APLF: variants seen among roughly 807,000 people sequenced by gnomAD.
APLF encodes aprataxin and PNKP like factor.
A neutral mutation model predicts 55.6 loss-of-function variants in APLF; 61 were observed. The observed-to-expected ratio is 1.10, with a 90% CI of 0.89 to 1.36. The LOEUF (loss-of-function observed/expected upper bound fraction) is 1.36. Ranked by LOEUF, APLF falls within the 40% of genes most tolerant of loss-of-function variation. The pLI is 0.00. For synonymous variants in APLF, 207 were observed against 214.8 expected, an observed-to-expected ratio of 0.96 and a Z score of 0.32; for missense variants, 611 against 602.5, an observed-to-expected ratio of 1.01 and a Z score of -0.15.
intron 1 of APLF, among the ~76,000 whole-genome samples, chr2:68,480,646 C>T (rs1052772209): frequency 6.6e-5 from 10 of 151,694 alleles, no homozygotes; most frequent in African/African-American, 2.2e-4. Flanking sequence ...ACTAATAGTA[C>T]TATATTTAAT....
chr2:68,554,216 T>C (rs1670945261), intron 8 of APLF, among the ~76,000 whole-genome samples: 1 of 152,052 alleles, frequency 6.6e-6, no homozygotes, highest in Non-Finnish European at 1.5e-5. Flanking sequence ...ATGGATCATA[T>C]ATGTAAATGT....
intron 8 of APLF, among the ~76,000 whole-genome samples, chr2:68,547,753 T>G (rs1193059188): frequency 6.6e-6 from 1 of 151,786 alleles, no homozygotes; most frequent in Non-Finnish European, 1.5e-5. Context: ...CTTTATTTTT[T>G]TTTGTTTGTA....
Position 68,529,313 on chromosome 2 carries a change from C to T in APLF, c.804+3071C>T. 7.3e-7 allele frequency: 1 copy of T among 1,374,626 alleles called. No individual in the cohort carries two copies. The highest frequency in any genetic ancestry group is 9.4e-7 in the Non-Finnish European group (1 of 1,063,762). The allele number at this position is 1,374,626 out of a possible 1,614,324, so 85.2% of individuals were successfully genotyped here. ...ACGGTTGAAGAGGAGTGGGAAACAG[C>T]CAAAGAGTCCTGGGGCAGGCACAGG... On this transcript the variant is annotated intron_variant, in intron 6 of 9. Transcript: ENST00000303795. The surrounding 1 kb of genome is among the most constrained non-coding windows in gnomAD (Gnocchi z 4.4).
chr2:68,478,771 C>T (rs1259658789), intron 1 of APLF, among the ~76,000 whole-genome samples: 1 of 151,892 alleles, frequency 6.6e-6, no homozygotes, highest in Non-Finnish European at 1.5e-5. Context: ...GAGAAGTGAG[C>T]ACTGGGATTT....
At chr2:68,567,429 A>G (rs1344854168) in intron 9 of APLF, 42 bp downstream of exon 9, 3 of 1,457,502 alleles carry the variant, frequency 2.1e-6, no homozygotes, top group East Asian at 4.7e-5. Flanking sequence ...GAAACCTTTA[A>G]ATGATTTTCC....
chr2:68,471,159 T>C (rs1573137844), intron 1 of APLF, among the ~76,000 whole-genome samples: 1 of 152,336 alleles, frequency 6.6e-6, no homozygotes, highest in Admixed American at 6.5e-5. Flanking sequence ...TCTCAGCCTC[T>C]CATTCACTCT....
chr2:68,520,207 G>A (rs967560536), intron 5 of APLF, among the ~76,000 whole-genome samples: 11 of 151,832 alleles, frequency 7.2e-5, no homozygotes, highest in African/African-American at 2.4e-4. Flanking sequence ...TGTAGATTCT[G>A]GATATTAGTC....
chr2:68,490,303 AC>A, intron 2 of APLF, 42 bp downstream of exon 2: 3 of 1,552,658 alleles, frequency 1.9e-6, no homozygotes, highest in Non-Finnish European at 1.8e-6. Context: ...TTCATCTCTT[AC>A]CCTTTCAGTT....
At chr2:68,511,282 A>T (rs540114356) in intron 3 of APLF, among the ~76,000 whole-genome samples, 1 of 151,898 alleles carries the variant, frequency 6.6e-6, no homozygotes, top group Admixed American at 6.6e-5. Flanking sequence ...TTCTGTAGTG[A>T]TGCTTTATAA....
At chr2:68,573,672 CAAAAAAA>C (rs67959075) in intron 9 of APLF, among the ~76,000 whole-genome samples, 10 of 93,044 alleles carry the variant, frequency 1.1e-4, no homozygotes, top group African/African-American at 1.5e-4. Context: ...GACCTTGTCT[CAAAAAAA>C]AAAAAAAAAA....
intron 6 of APLF, among the ~76,000 whole-genome samples, chr2:68,534,517 G>T (rs536835801): frequency 6.6e-6 from 1 of 152,166 alleles, no homozygotes; most frequent in South Asian, 2.1e-4. Flanking sequence ...GAGGGGCAGG[G>T]GAATGGCTTG....
At position 68,490,784 on chromosome 2, in the gene APLF, A is replaced by T. The variant is rs144555742; in HGVS notation, c.168+523A>T. On this transcript the variant is annotated intron_variant, in intron 2 of 9. Coordinates refer to ENST00000303795, the MANE Select transcript of APLF (RefSeq NM_173545.3). Reference sequence around the variant, plus strand: ...ATAGTTTACTGCTGCGAAATCACTGATGATATGCAGGGACAGCCAGTTTCC... The same window carrying T: ...ATAGTTTACTGCTGCGAAATCACTGTTGATATGCAGGGACAGCCAGTTTCC... Among the ~76,000 whole-genome samples, 94 of 152,310 alleles carry T rather than the reference A, an allele frequency of 6.2e-4. 1 individual carries two copies. In the East Asian group the frequency reaches 0.016, roughly 25 times the overall value.
At chr2:68,570,875 T>C (rs373445709) in intron 9 of APLF, among the ~76,000 whole-genome samples, 1 of 152,188 alleles carries the variant, frequency 6.6e-6, no homozygotes, top group African/African-American at 2.4e-5. Context: ...TGCCACACTG[T>C]CTTCCACAAT....
chr2:68,539,680 CATATG>C (rs1170511085), intron 7 of APLF, among the ~76,000 whole-genome samples: 1 of 151,996 alleles, frequency 6.6e-6, no homozygotes, highest in Non-Finnish European at 1.5e-5. Flanking sequence ...AGAGAAAAGT[CATATG>C]ATAAAATTCA....
rs776581938 is a variant in APLF, at chr2:68,513,204, CA to C, written c.467del (p.Gln156ArgfsTer2). 3 of 1,608,452 alleles carry C rather than the reference CA, an allele frequency of 1.9e-6. No individual in the cohort carries two copies. In the Admixed American group the frequency reaches 5.1e-5, roughly 27 times the overall value. On this transcript the variant is annotated frameshift_variant, in exon 4 of 10. Transcript: ENST00000303795. LOFTEE classifies it high-confidence loss of function. ...LEGSTEIAKT[Q>X]MTPTNSVSFL... ...AGGAAGCACAGAAATAGCCAAGACCCAGATGACTCCCACAAATAGTGTGGTG... is the reference window on the plus strand; with the variant it reads ...AGGAAGCACAGAAATAGCCAAGACCCGATGACTCCCACAAATAGTGTGGTG...
intron 3 of APLF, among the ~76,000 whole-genome samples, chr2:68,508,473 G>C (rs1676941911): frequency 6.6e-6 from 1 of 151,868 alleles, no homozygotes; most frequent in African/African-American, 2.4e-5. Flanking sequence ...CAATGGATCA[G>C]AAGTCTAAAT....
rs1198895091 is a variant in APLF at position 68,519,068 on chromosome 2, AATAATAATATAATATATAATTAATAT to A, written c.622+5409_622+5434del. Among the ~76,000 whole-genome samples, 275 of 117,214 alleles carry A rather than the reference AATAATAATATAATATATAATTAATAT, an allele frequency of 2.3e-3. 1 individual carries two copies. Among genetic ancestry groups the A allele is most frequent in the Middle Eastern group, 6.3e-3 (1 of 160 alleles). The allele number at this position is 117,214 out of a possible 152,430, so 76.9% of individuals were successfully genotyped here. A position where few individuals can be genotyped will look rare whatever the true frequency, so the allele number is the denominator to read the frequency against. The stretch of plus-strand genomic sequence containing the variant: ...ATAATATAATATATAATTAATATAT[AATAATAATATAATATATAATTAATAT>A]ATAATAATATAATATATAATATATA... On this transcript the variant is annotated intron_variant, in intron 5 of 9. Transcript: ENST00000303795.
At chr2:68,559,569 G>T (rs1316662334) in intron 8 of APLF, among the ~76,000 whole-genome samples, 1 of 152,048 alleles carries the variant, frequency 6.6e-6, no homozygotes, top group Non-Finnish European at 1.5e-5. Context: ...GTATTCAGGT[G>T]CTTCACCAAG....
chr2:68,476,271 A>G lies in APLF; in HGVS notation c.96+8444A>G, dbSNP rs148646769. On this transcript the variant is annotated intron_variant, in intron 1 of 9. Transcript: ENST00000303795. Reference sequence around the variant, plus strand: ...GAGGCCGAGACGGGCAGATCACCTGAGGTCAGGAGTTTGAGACCAGCCTGA... The same window carrying G: ...GAGGCCGAGACGGGCAGATCACCTGGGGTCAGGAGTTTGAGACCAGCCTGA... Among the ~76,000 whole-genome samples the G allele has an allele frequency of 6.5e-3, 985 of 152,184 alleles. 7 individuals are homozygous for G. The highest frequency in any genetic ancestry group is 0.023 in the African/African-American group (939 of 41,526).
Sources: allele counts gnomAD v4.1 joint callset (sites outside exome capture counted in the v4.1 genomes callset), GRCh38; gene constraint gnomAD v4.1.1; non-coding constraint Gnocchi (gnomAD v3.1); transcripts MANE v1.5; gene names NCBI Gene and HGNC (gene_info 2026-07-23, HGNC 2026-07-21).